SLC14A2: variants seen among roughly 807,000 people sequenced by gnomAD.
SLC14A2 encodes the protein urea transporter 2.
SLC14A2 carries 91 observed loss-of-function variants against 104.6 expected under a neutral mutation model. The ratio of observed to expected loss-of-function variants is 0.87; its 90% CI spans 0.73 to 1.04. The LOEUF (loss-of-function observed/expected upper bound fraction) is 1.04. SLC14A2 is among the 50% of genes least tolerant of loss of function. The pLI is 0.00. For synonymous variants in SLC14A2, 476 were observed against 466.4 expected, an observed-to-expected ratio of 1.02 and a Z score of -0.27; for missense variants, 1,189 against 1,156.0, an observed-to-expected ratio of 1.03 and a Z score of -0.41.
At chr18:45,482,089 G>C (rs1401272224) in intron 1 of SLC14A2, among the ~76,000 whole-genome samples, 1 of 151,906 alleles carries the variant, frequency 6.6e-6, no homozygotes, top group Non-Finnish European at 1.5e-5. Context: ...AAGTGATTGG[G>C]GAATAACATA....
At chr18:45,651,353 A>G (rs4890567) in intron 10 of SLC14A2, among the ~76,000 whole-genome samples, 44,956 of 152,024 alleles carry the variant, frequency 0.3, 7,651 homozygotes, top group Middle Eastern at 0.45. Flanking sequence ...ACAGGGGATG[A>G]TGAAGCTGGT....
At chr18:45,567,055 AGTGT>A (rs3058364) in intron 2 of SLC14A2, among the ~76,000 whole-genome samples, 4,995 of 139,756 alleles carry the variant, frequency 0.036, 111 homozygotes, top group South Asian at 0.045. Flanking sequence ...ATGTGCACAT[AGTGT>A]GTGTGTGTGT....
intron 1 of SLC14A2, among the ~76,000 whole-genome samples, chr18:45,413,958 A>T (rs888692907): frequency 1.3e-5 from 2 of 152,220 alleles, no homozygotes; most frequent in African/African-American, 4.8e-5. Flanking sequence ...AGCGTAAAAA[A>T]AAAAGAAAAT....
chr18:45,457,961 G>A (rs1027788566), intron 1 of SLC14A2, among the ~76,000 whole-genome samples: 3 of 152,306 alleles, frequency 2.0e-5, no homozygotes, highest in African/African-American at 7.2e-5. Flanking sequence ...AAGTTGCCGG[G>A]AGAGGTGACA....
rs1339832008 is a variant in SLC14A2 at position 45,646,314 on chromosome 18, G to C, written c.1351+2154G>C. The C allele has an allele frequency of 2.0e-5, 3 of 149,276 alleles. No homozygotes were observed. The East Asian group carries it at 6.0e-4, about 30-fold the overall frequency. 9.2% of individuals were successfully genotyped at this position (149,276 alleles called of 1,614,324 possible). The stretch of plus-strand genomic sequence containing the variant: ...ACGTTTGAAGGGAGTGTGAAGATCA[G>C]GTGGTCCGATCCCATGATGCATGAA... On this transcript the variant is annotated intron_variant, in intron 10 of 19. Coordinates refer to ENST00000255226, the MANE Select transcript of SLC14A2 (RefSeq NM_007163.4).
intron 1 of SLC14A2, among the ~76,000 whole-genome samples, chr18:45,303,248 C>T (rs143300438): frequency 2.0e-5 from 3 of 152,228 alleles, no homozygotes; most frequent in African/African-American, 4.8e-5. Context: ...TACCAGCTGG[C>T]GTTTGCCTTA....
At chr18:45,592,062 A>G (rs1329959460) in intron 2 of SLC14A2, among the ~76,000 whole-genome samples, 1 of 152,228 alleles carries the variant, frequency 6.6e-6, no homozygotes, top group Admixed American at 6.5e-5. Context: ...ATATATATAC[A>G]GTAATCACTG....
the SLC14A2 span, among the ~76,000 whole-genome samples, chr18:45,181,863 G>A: frequency 6.6e-6 from 1 of 152,088 alleles, no homozygotes; most frequent in African/African-American, 2.4e-5. Context: ...ATATAATAAT[G>A]AGTTTCCATT....
intron 2 of SLC14A2, among the ~76,000 whole-genome samples, chr18:45,569,801 G>A (rs959895060): frequency 2.6e-5 from 4 of 152,174 alleles, no homozygotes; most frequent in African/African-American, 9.7e-5. Flanking sequence ...AAGGGAGCCA[G>A]GAGTCCTTAG....
chr18:45,214,113 C>T (rs1020448801), intron 1 of SLC14A2, among the ~76,000 whole-genome samples: 14 of 152,132 alleles, frequency 9.2e-5, no homozygotes, highest in Non-Finnish European at 1.9e-4. Flanking sequence ...TCTGCTGCTA[C>T]GTTAATAAGC....
intron 1 of SLC14A2, among the ~76,000 whole-genome samples, chr18:45,256,087 G>A (rs942616674): frequency 3.3e-5 from 5 of 152,106 alleles, no homozygotes; most frequent in East Asian, 1.9e-4. Flanking sequence ...TGGAGGTGCC[G>A]GAACAAATGT....
rs140608177 is a variant in SLC14A2, at chr18:45,467,690, C to A, written c.-124-15543C>A. On this transcript the variant is annotated intron_variant, in intron 1 of 20. Transcript: ENST00000586448. ...TCATTTTACCTAATGGACAGTTATG[C>A]TAAAGGGTGACTCCAGCATCCATTC... is the stretch of plus-strand genomic sequence containing the variant. 3.3e-3 allele frequency among the ~76,000 whole-genome samples: 496 copies of A among 152,252 alleles called. 4 individuals carry two copies. The highest frequency in any genetic ancestry group is 0.011 in the African/African-American group (460 of 41,554).
At chr18:45,206,446 C>CAG in the SLC14A2 span, among the ~76,000 whole-genome samples, 1 of 152,022 alleles carries the variant, frequency 6.6e-6, no homozygotes, top group African/African-American at 2.4e-5. Flanking sequence ...CACACACACA[C>CAG]AGAGATACTT....
chr18:45,650,553 GT>G (rs1052269029), intron 10 of SLC14A2, among the ~76,000 whole-genome samples: 30 of 152,108 alleles, frequency 2.0e-4, no homozygotes, highest in African/African-American at 7.0e-4. Flanking sequence ...CTATTAATGT[GT>G]TACTCAGGCC....
At chr18:45,512,853 A>G (rs1262902732) in intron 2 of SLC14A2, among the ~76,000 whole-genome samples, 1 of 152,178 alleles carries the variant, frequency 6.6e-6, no homozygotes, top group Non-Finnish European at 1.5e-5. Context: ...ATTCCCAGAC[A>G]TCATTTCTCA....
At chr18:45,452,446 G>C (rs924581619) in intron 1 of SLC14A2, among the ~76,000 whole-genome samples, 1 of 152,144 alleles carries the variant, frequency 6.6e-6, no homozygotes, top group Non-Finnish European at 1.5e-5. Flanking sequence ...GAGTGAGATG[G>C]AATTTAGTAT....
the SLC14A2 span, among the ~76,000 whole-genome samples, chr18:45,171,379 A>G: frequency 6.6e-6 from 1 of 152,150 alleles, no homozygotes; most frequent in African/African-American, 2.4e-5. Flanking sequence ...AATGTTTAAA[A>G]GGTGACTACC....
intron 1 of SLC14A2, among the ~76,000 whole-genome samples, chr18:45,405,303 A>G (rs963110452): frequency 6.6e-6 from 1 of 152,220 alleles, no homozygotes; most frequent in African/African-American, 2.4e-5. Flanking sequence ...AAACTAAGCC[A>G]GGAGAGGTTC....
chr18:45,349,619 T>A (rs192317039), intron 1 of SLC14A2, among the ~76,000 whole-genome samples: 28 of 152,348 alleles, frequency 1.8e-4, no homozygotes, highest in African/African-American at 6.5e-4. Context: ...TCTCACAGGT[T>A]GCGCAGTGAA....
Sources: allele counts gnomAD v4.1 joint callset (sites outside exome capture counted in the v4.1 genomes callset), GRCh38; gene constraint gnomAD v4.1.1; transcripts MANE v1.5; gene names NCBI Gene and HGNC (gene_info 2026-07-23, HGNC 2026-07-21).